The following IL23R variants were observed in gnomAD, a reference collection of about 807,000 sequenced individuals.
IL23R encodes the protein interleukin 23 receptor.
In IL23R, 34 loss-of-function variants were observed where a neutral mutation model predicts 56.9. The ratio of observed to expected loss-of-function variants is 0.60; its 90% CI spans 0.45 to 0.80. IL23R has a LOEUF of 0.80. Among genes scored for constraint, IL23R ranks in the 30% least tolerant of loss-of-function variants. The pLI, the probability that IL23R is intolerant of heterozygous loss-of-function variation, is 0.00. For missense variants in IL23R, 635 were observed against 730.0 expected (o/e 0.87, Z 1.50); for synonymous variants, 230 against 249.2 (o/e 0.92, Z 0.73).
intron 7 of IL23R, among the ~76,000 whole-genome samples, chr1:67,227,278 C>A (rs185388584): frequency 6.6e-6 from 1 of 152,270 alleles, no homozygotes; most frequent in Admixed American, 6.5e-5. Context: ...TAATATAGAT[C>A]CCTTTTTAAC....
At chr1:67,189,479 A>G (rs1206297226) in intron 4 of IL23R, among the ~76,000 whole-genome samples, 3 of 152,230 alleles carry the variant, frequency 2.0e-5, no homozygotes, top group Non-Finnish European at 2.9e-5. Flanking sequence ...GATTAATGGG[A>G]TTTTATTACA....
intron 3 of IL23R, among the ~76,000 whole-genome samples, chr1:67,170,310 A>G (rs1179196818): frequency 3.3e-5 from 5 of 152,224 alleles, no homozygotes; most frequent in Non-Finnish European, 7.3e-5. Flanking sequence ...TTAAAAATGC[A>G]TCCTTTTGAT....
chr1:67,241,053 G>T (rs1208415952), intron 9 of IL23R, among the ~76,000 whole-genome samples: 1 of 152,206 alleles, frequency 6.6e-6, no homozygotes, highest in Non-Finnish European at 1.5e-5. Flanking sequence ...TATTAGGCTA[G>T]GTTACAGTTC....
At chr1:67,173,542 A>G (rs549999873) in intron 3 of IL23R, among the ~76,000 whole-genome samples, 1 of 152,204 alleles carries the variant, frequency 6.6e-6, no homozygotes, top group East Asian at 1.9e-4. Flanking sequence ...TTAAGGCTCA[A>G]TTAAAACAAA....
chr1:67,236,289 G>C (rs932945696), intron 7 of IL23R, among the ~76,000 whole-genome samples: 1 of 152,248 alleles, frequency 6.6e-6, no homozygotes, highest in Non-Finnish European at 1.5e-5. Flanking sequence ...CAAAGATTGT[G>C]CAAAGGCAAA....
intron 6 of IL23R, among the ~76,000 whole-genome samples, chr1:67,216,157 T>C (rs550739280): frequency 1.3e-5 from 2 of 152,198 alleles, no homozygotes; most frequent in Non-Finnish European, 2.9e-5. Flanking sequence ...CCTACTTCCG[T>C]ATACTCTGTT....
At chr1:67,253,550 TA>T (rs1440235630) in intron 9 of IL23R, among the ~76,000 whole-genome samples, 1 of 152,250 alleles carries the variant, frequency 6.6e-6, no homozygotes, top group East Asian at 1.9e-4. Context: ...TTAAATGAGC[TA>T]TTATAAAGTC....
chr1:67,166,604 G>A (rs1646875979), intron 1 of IL23R, 63 bp downstream of exon 1: 1 of 152,284 alleles, frequency 6.6e-6, no homozygotes, highest in African/African-American at 2.4e-5. Context: ...GAAATACATG[G>A]GCCAAGTTGT....
chr1:67,188,191 C>A (rs1048109804), intron 4 of IL23R, among the ~76,000 whole-genome samples: 4 of 152,246 alleles, frequency 2.6e-5, no homozygotes, highest in African/African-American at 9.6e-5. Flanking sequence ...GATCTAGGCT[C>A]TTTTCCTCTT....
In IL23R at chr1:67,259,974, A is replaced by G. The variant is rs1653146183; in HGVS notation, c.*846A>G. The G allele has an allele frequency of 8.0e-6, 1 of 124,394 alleles. No individual in the cohort carries two copies. Among genetic ancestry groups the G allele is most frequent in the Admixed American group, 7.6e-5 (1 of 13,228 alleles). The allele number at this position is 124,394 out of a possible 1,614,324, so 7.7% of individuals were successfully genotyped here. On this transcript the variant is annotated 3_prime_UTR_variant, in exon 11 of 11. Transcript: ENST00000347310. ...AGCAAAACTCTGTCTGGAAAAAAAAAAAAAAAAAAAAAAAAAGAATAACTA... is the reference window on the plus strand; with the variant it reads ...AGCAAAACTCTGTCTGGAAAAAAAAGAAAAAAAAAAAAAAAAGAATAACTA...
intron 7 of IL23R, among the ~76,000 whole-genome samples, chr1:67,228,135 TC>T (rs1650841901): frequency 2.2e-5 from 3 of 139,126 alleles, no homozygotes; most frequent in Non-Finnish European, 4.7e-5. Context: ...TTTCCTTCTT[TC>T]TTTCTGTCTT....
intron 7 of IL23R, among the ~76,000 whole-genome samples, chr1:67,227,545 G>A (rs1479830969): frequency 2.0e-5 from 3 of 151,672 alleles, no homozygotes; most frequent in Non-Finnish European, 4.4e-5. Context: ...GTGACTCCTT[G>A]AAGATGCTCA....
chr1:67,177,227 C>T (rs1647022802), intron 3 of IL23R, among the ~76,000 whole-genome samples: 1 of 152,144 alleles, frequency 6.6e-6, no homozygotes, highest in African/African-American at 2.4e-5. Context: ...AGTTTACAGT[C>T]CCACCAACAG....
chr1:67,261,579 A>C (rs947742051), downstream of IL23R, among the ~76,000 whole-genome samples: 1 of 152,106 alleles, frequency 6.6e-6, no homozygotes, highest in Non-Finnish European at 1.5e-5. Context: ...AATCTTAAAT[A>C]CCTTGACTTG....
upstream of IL23R, among the ~76,000 whole-genome samples, chr1:67,164,462 G>A (rs1390463103): frequency 1.3e-5 from 2 of 151,932 alleles, no homozygotes; most frequent in East Asian, 3.9e-4. Flanking sequence ...GTGAAACCCC[G>A]TCTCTACTAA....
chr1:67,157,258 C>T (rs916205841), intron 1 of IL23R, among the ~76,000 whole-genome samples: 2 of 152,174 alleles, frequency 1.3e-5, no homozygotes, highest in Non-Finnish European at 2.9e-5. Flanking sequence ...TTGGCCCCTC[C>T]CCGTATTTCA....
intron 6 of IL23R, among the ~76,000 whole-genome samples, chr1:67,216,275 A>G (rs557110293): frequency 1.2e-3 from 185 of 152,260 alleles, no homozygotes; most frequent in African/African-American, 4.2e-3. Context: ...CATTTTTTGC[A>G]TCTCCATTGA....
intron 4 of IL23R, among the ~76,000 whole-genome samples, chr1:67,199,240 T>C (rs1558239461): frequency 6.6e-6 from 1 of 152,318 alleles, no homozygotes; most frequent in Non-Finnish European, 1.5e-5. Flanking sequence ...TCCAGGCTAT[T>C]GCACTTGTTG....
At chr1:67,163,721 A>G (rs999938021), upstream of IL23R, among the ~76,000 whole-genome samples, 2 of 151,976 alleles carry the variant, frequency 1.3e-5, no homozygotes, top group Non-Finnish European at 1.5e-5. Context: ...TCTCCATGTG[A>G]TGCACCTGCT....
Sources: gnomAD v4.1 joint callset for allele counts (sites outside exome capture counted in the v4.1 genomes callset) on GRCh38, gnomAD v4.1.1 for gene constraint, MANE v1.5 for transcripts, NCBI Gene and HGNC (gene_info 2026-07-23, HGNC 2026-07-21) for gene names.